Variants in PMPCB observed in about 807,000 individuals in gnomAD.
The protein encoded by PMPCB is mitochondrial-processing peptidase subunit beta.
PMPCB carries 46 observed loss-of-function variants against 61.5 expected under a neutral mutation model. The ratio of observed to expected loss-of-function variants is 0.75; its 90% CI spans 0.59 to 0.96. PMPCB has a LOEUF of 0.96. PMPCB is among the 40% of genes least tolerant of loss of function. The pLI is 0.00. For synonymous variants in PMPCB, 191 were observed against 201.6 expected (o/e 0.95, Z 0.44); for missense variants, 590 against 602.4 (o/e 0.98, Z 0.22).
intron 6 of PMPCB, among the ~76,000 whole-genome samples, chr7:103,306,112 T>C (rs1271690943): frequency 6.6e-6 from 1 of 152,232 alleles, no homozygotes; most frequent in Non-Finnish European, 1.5e-5. Context: ...TTTAAGTTTC[T>C]GCTGACCTCT....
intron 7 of PMPCB, 43 bp downstream of exon 7, chr7:103,307,751 T>C: frequency 9.4e-7 from 1 of 1,061,862 alleles, no homozygotes; most frequent in Non-Finnish European, 1.5e-6. Context: ...TTTGGATTCC[T>C]TGTGTTGTAT....
chr7:103,320,106 T>A (rs1366533435), intron 12 of PMPCB, among the ~76,000 whole-genome samples: 1 of 152,138 alleles, frequency 6.6e-6, no homozygotes, highest in Non-Finnish European at 1.5e-5. Flanking sequence ...TTTTCTTTTC[T>A]TTGAGACGGA....
intron 12 of PMPCB, among the ~76,000 whole-genome samples, chr7:103,325,218 C>T (rs1235496980): frequency 3.9e-5 from 6 of 152,278 alleles, no homozygotes; most frequent in Middle Eastern, 3.4e-3. Context: ...CCGAGGCCAG[C>T]GGATCACCTG....
In PMPCB at chr7:103,303,094, AAC is replaced by A. The variant is rs1279134174; in HGVS notation, c.458-742_458-741del. Among the ~76,000 whole-genome samples the A allele has an allele frequency of 5.3e-5, 8 of 152,148 alleles. No individual in the cohort carries two copies. The East Asian group carries it at 1.5e-3, about 29-fold the overall frequency. On this transcript the variant is annotated intron_variant, in intron 4 of 12. Coordinates refer to ENST00000249269, the MANE Select transcript of PMPCB (RefSeq NM_004279.3). Reference sequence around the variant, plus strand: ...GGCTTTTTGCAAATTAGGGTTTGAGAACACACAATTCTGTGATTCATTTGGGG... The same window carrying A: ...GGCTTTTTGCAAATTAGGGTTTGAGAACACAATTCTGTGATTCATTTGGGG...
chr7:103,299,218 G>T (rs987308879), intron 2 of PMPCB, among the ~76,000 whole-genome samples: 1 of 152,202 alleles, frequency 6.6e-6, no homozygotes, highest in Non-Finnish European at 1.5e-5. Flanking sequence ...GTTGGGCAAA[G>T]AATCCTCATT....
the PMPCB span, among the ~76,000 whole-genome samples, chr7:103,345,517 C>T: frequency 6.6e-6 from 1 of 151,894 alleles, no homozygotes; most frequent in African/African-American, 2.4e-5. Flanking sequence ...CTTGATATGC[C>T]ACTCTTTAGC....
At chr7:103,322,025 TTCC>T (rs1298689940) in intron 12 of PMPCB, 2 of 1,613,858 alleles carry the variant, frequency 1.2e-6, no homozygotes, top group Non-Finnish European at 1.7e-6. Context: ...GCTGTCTGAC[TTCC>T]TCCTCTTCTT....
rs1459795553 is a variant in PMPCB, at chr7:103,303,890, C to T, written c.506C>T (p.Ala169Val). 66 of 1,613,630 alleles carry T rather than the reference C, an allele frequency of 4.1e-5. No homozygotes were observed. Among genetic ancestry groups the T allele is most frequent in the Non-Finnish European group, 5.3e-5 (63 of 1,179,746 alleles). ...ATACAAAACAGCACATTGGGAGAAG[C>T]AGAGATTGAACGTGAGCGTGGAGTA... ...DIIQNSTLGE[A>V]EIERERGVIL... The change falls in exon 5 of 13, where the codon GCA (alanine) becomes GTA (valine). Residue 169 changes from alanine to valine, a missense_variant. By Grantham distance (64) the Ala-to-Val change is moderately conservative. Transcript: ENST00000249269.
intron 12 of PMPCB, chr7:103,320,817 TATCTC>T (rs1316035067): frequency 5.4e-6 from 1 of 186,698 alleles, no homozygotes; most frequent in Non-Finnish European, 1.1e-5. Flanking sequence ...TATCTTCAGT[TATCTC>T]AGCATGTCTT....
chr7:103,316,978 C>A, downstream of PMPCB: 1 of 1,613,852 alleles, frequency 6.2e-7, no homozygotes. Flanking sequence ...TCAGCTTCCT[C>A]TTTCTCTTTT....
chr7:103,323,732 G>A, intron 12 of PMPCB: 1 of 1,167,402 alleles, frequency 8.6e-7, no homozygotes, highest in Non-Finnish European at 1.1e-6. Context: ...TAATGCAAGT[G>A]AATGAATTTG....
chr7:103,341,763 C>G, the PMPCB span: 2 of 1,555,944 alleles, frequency 1.3e-6, no homozygotes, highest in Non-Finnish European at 1.7e-6. Flanking sequence ...ATATTAAATA[C>G]CTTCCAGTCT....
At chr7:103,344,488 G>C in the PMPCB span, 1 of 1,563,996 alleles carries the variant, frequency 6.4e-7, no homozygotes, top group African/African-American at 1.3e-5. Context: ...GAGAGCCCAG[G>C]GTTGCCGAGG....
chr7:103,309,478 C>T (rs1817678452), intron 8 of PMPCB, among the ~76,000 whole-genome samples: 1 of 151,330 alleles, frequency 6.6e-6, no homozygotes, highest in Admixed American at 6.6e-5. Context: ...CATGTATGGA[C>T]TTTTTTTTTG....
At chr7:103,309,522 T>G (rs1011836661) in intron 8 of PMPCB, among the ~76,000 whole-genome samples, 2 of 152,192 alleles carry the variant, frequency 1.3e-5, no homozygotes, top group Admixed American at 1.3e-4. Flanking sequence ...TAACAACTAT[T>G]TACATAGCAT....
chr7:103,337,123 TA>T, the PMPCB span: 1 of 152,226 alleles, frequency 6.6e-6, no homozygotes, highest in Non-Finnish European at 1.5e-5. Context: ...TAAACTTTAT[TA>T]ATCAGTTGAA....
At chr7:103,303,757 C>A in intron 4 of PMPCB, 85 bp from the exon 5 acceptor site, 2 of 878,062 alleles carry the variant, frequency 2.3e-6, no homozygotes, top group Non-Finnish European at 3.5e-6. Flanking sequence ...GGGTCAGTGT[C>A]ATGATTTCTG....
chr7:103,335,517 ATTTCT>A, the PMPCB span: 1 of 151,534 alleles, frequency 6.6e-6, no homozygotes, highest in Non-Finnish European at 1.5e-5. Context: ...CAAAAGCTGA[ATTTCT>A]TTTCTTTCTT....
chr7:103,334,287 C>T (rs1335328439), downstream of PMPCB, among the ~76,000 whole-genome samples: 1 of 151,146 alleles, frequency 6.6e-6, no homozygotes, highest in Non-Finnish European at 1.5e-5. Context: ...TTTGGCTGGG[C>T]ACGGTGGCTC....
Sources: gnomAD v4.1 joint callset for allele counts (sites outside exome capture counted in the v4.1 genomes callset) on GRCh38, gnomAD v4.1.1 for gene constraint, MANE v1.5 for transcripts, NCBI Gene and HGNC (gene_info 2026-07-23, HGNC 2026-07-21) for gene names.